CSMD1: variants seen among roughly 807,000 people sequenced by gnomAD.
CSMD1 encodes CUB and Sushi multiple domains 1.
Under a neutral mutation model 417.5 loss-of-function variants are expected in CSMD1, and 213 were observed. The observed-to-expected ratio is 0.51, with a 90% CI of 0.46 to 0.57. CSMD1 has a LOEUF of 0.57. Ranked by LOEUF, CSMD1 falls within the 20% of genes least tolerant of loss-of-function variation. The pLI is 0.00. For synonymous variants in CSMD1, 2,862 were observed against 1,736.8 expected (o/e 1.65, Z -16.11); for missense variants, 6,923 against 4,529.7 (o/e 1.53, Z -15.17).
At chr8:3,725,664 A>G (rs974870564) in intron 6 of CSMD1, among the ~76,000 whole-genome samples, 1 of 151,846 alleles carries the variant, frequency 6.6e-6, no homozygotes, top group Non-Finnish European at 1.5e-5. Context: ...GCAGTGGAGG[A>G]CCCGGTCTCA....
At chr8:3,959,637 G>A (rs1369283800) in intron 5 of CSMD1, among the ~76,000 whole-genome samples, 4 of 152,196 alleles carry the variant, frequency 2.6e-5, no homozygotes, top group Non-Finnish European at 5.9e-5. Flanking sequence ...TGTAATTTAT[G>A]TTTTTGCCAT....
In CSMD1 at chr8:4,672,756, C is replaced by T. The variant is rs148110145; in HGVS notation, c.86-35198G>A. On this transcript the variant is annotated intron_variant, in intron 1 of 69. Transcript: ENST00000635120. ...ACGCACTCTCATACAGTGACATACC[C>T]AGTCACATGCATACATGGTGACATG... 7.7e-3 allele frequency among the ~76,000 whole-genome samples: 1,175 copies of T among 151,892 alleles called. 7 individuals carry two copies. The highest frequency in any genetic ancestry group is 0.027 in the African/African-American group (1,115 of 41,422).
intron 1 of CSMD1, among the ~76,000 whole-genome samples, chr8:4,711,193 A>G (rs565057283): frequency 1.3e-5 from 2 of 151,876 alleles, no homozygotes; most frequent in African/African-American, 2.4e-5. Flanking sequence ...TATTACTCAT[A>G]CTTGGAAAGG....
chr8:3,841,674 G>T lies in CSMD1; in HGVS notation c.819-87632C>A, dbSNP rs998039382. The stretch of plus-strand genomic sequence containing the variant: ...TCAAATAAAAAAAAACCATGAATAT[G>T]ATTCTAATTTTAGAACCTAGTGATT... On this transcript the variant is annotated intron_variant, in intron 5 of 69. Coordinates refer to ENST00000635120, the MANE Select transcript of CSMD1 (RefSeq NM_033225.6). Among the ~76,000 whole-genome samples the T allele has an allele frequency of 9.2e-5, 14 of 152,064 alleles. 1 individual carries two copies. The highest frequency in any genetic ancestry group is 3.3e-4 in the Admixed American group (5 of 15,256).
At chr8:4,105,708 C>G (rs774187988) in intron 3 of CSMD1, among the ~76,000 whole-genome samples, 9 of 152,284 alleles carry the variant, frequency 5.9e-5, no homozygotes, top group Non-Finnish European at 1.2e-4. Flanking sequence ...CTGGGGTACC[C>G]CATGGCAAGA....
intron 4 of CSMD1, among the ~76,000 whole-genome samples, chr8:4,030,833 G>C (rs888802048): frequency 3.9e-5 from 6 of 152,182 alleles, no homozygotes; most frequent in African/African-American, 1.4e-4. Context: ...GACACCTCTT[G>C]AATGCTTTGC....
chr8:3,175,470 C>G (rs552233746), intron 37 of CSMD1, among the ~76,000 whole-genome samples: 235 of 120,432 alleles, frequency 2.0e-3, no homozygotes, highest in African/African-American at 7.1e-3. Flanking sequence ...TTCCTTCCTT[C>G]TTTTCCCTTC....
chr8:3,775,555 G>T (rs146776848), intron 5 of CSMD1, among the ~76,000 whole-genome samples: 1 of 152,178 alleles, frequency 6.6e-6, no homozygotes, highest in Admixed American at 6.5e-5. Context: ...TTACAAGAGC[G>T]CAACTTCAAA....
intron 17 of CSMD1, among the ~76,000 whole-genome samples, chr8:3,394,011 A>ATAAATT (rs375908190): frequency 0.12 from 8,736 of 75,780 alleles, 1,193 homozygotes; most frequent in Non-Finnish European, 0.16. Flanking sequence ...AAAAAAATAA[A>ATAAATT]TTATATATAT....
intron 26 of CSMD1, among the ~76,000 whole-genome samples, chr8:3,233,548 G>C (rs1029103634): frequency 7.9e-5 from 12 of 152,220 alleles, no homozygotes; most frequent in African/African-American, 2.9e-4. Context: ...GTTTTGTTTG[G>C]TTGGTTTTTG....
At chr8:4,418,929 C>T (rs969360239) in intron 3 of CSMD1, among the ~76,000 whole-genome samples, 4 of 152,118 alleles carry the variant, frequency 2.6e-5, no homozygotes, top group Admixed American at 6.6e-5. Context: ...TAACTTTAAG[C>T]AAAAGGATAA....
At chr8:2,982,772 G>C (rs1028979725) in intron 54 of CSMD1, among the ~76,000 whole-genome samples, 2 of 152,184 alleles carry the variant, frequency 1.3e-5, no homozygotes, top group African/African-American at 2.4e-5. Context: ...AGAACCCAAA[G>C]CAATGGCAGT....
intron 11 of CSMD1, 144 bp downstream of exon 11, chr8:3,493,479 A>C (rs75421032): frequency 0.018 from 10,658 of 594,584 alleles, 148 homozygotes; most frequent in Middle Eastern, 0.058. Context: ...ATACAAAATG[A>C]GATTGCAGGC....
chr8:3,201,978 A>C (rs768757819), intron 31 of CSMD1, among the ~76,000 whole-genome samples: 142 of 152,254 alleles, frequency 9.3e-4, no homozygotes, highest in Admixed American at 3.6e-3. Flanking sequence ...ACATTAAATG[A>C]GGAATGTTTT....
At chr8:3,751,970 A>C (rs1337990450) in intron 6 of CSMD1, among the ~76,000 whole-genome samples, 4 of 152,272 alleles carry the variant, frequency 2.6e-5, no homozygotes, top group African/African-American at 9.6e-5. Flanking sequence ...GGTTATGTTA[A>C]ATCTGGTACG....
At chr8:3,018,395 G>A in intron 52 of CSMD1, 82 bp downstream of exon 52, 1 of 1,288,534 alleles carries the variant, frequency 7.8e-7, no homozygotes, top group Non-Finnish European at 1.1e-6. Flanking sequence ...ATTATAGCAA[G>A]AAGTCATATG....
chr8:3,922,725 T>A (rs1252556832), intron 5 of CSMD1, among the ~76,000 whole-genome samples: 1 of 152,204 alleles, frequency 6.6e-6, no homozygotes, highest in African/African-American at 2.4e-5. Context: ...ATCTTTTTTA[T>A]ATTTTGTATT....
At chr8:4,270,860 G>C (rs866574216) in intron 3 of CSMD1, among the ~76,000 whole-genome samples, 3 of 152,252 alleles carry the variant, frequency 2.0e-5, no homozygotes, top group African/African-American at 7.2e-5. Flanking sequence ...ACTGATGCTT[G>C]AAATCCCCCT....
At chr8:3,618,166 T>G (rs1802238363) in intron 7 of CSMD1, among the ~76,000 whole-genome samples, 1 of 151,880 alleles carries the variant, frequency 6.6e-6, no homozygotes, top group Non-Finnish European at 1.5e-5. Flanking sequence ...CGTGCCCAGA[T>G]AATTAAAAAA....
Sources: allele counts gnomAD v4.1 joint callset (sites outside exome capture counted in the v4.1 genomes callset), GRCh38; gene constraint gnomAD v4.1.1; transcripts MANE v1.5; gene names NCBI Gene and HGNC (gene_info 2026-07-23, HGNC 2026-07-21).